The following SKIC8 variants were observed in gnomAD, a reference collection of about 807,000 sequenced individuals.
The protein encoded by SKIC8 is SKI8 subunit of superkiller complex.
the SKIC8 span, chr15:78,291,051 G>C: frequency 6.6e-6 from 1 of 152,180 alleles, no homozygotes; most frequent in Non-Finnish European, 1.5e-5. Flanking sequence ...GCCCCACAAA[G>C]TGTTGGGATT....
chr15:78,286,202 T>C, the SKIC8 span: 1 of 1,363,412 alleles, frequency 7.3e-7, no homozygotes. Context: ...AAGTGGAAAG[T>C]ATATTATTAA....
the SKIC8 span, chr15:78,294,932 G>C: frequency 1.2e-6 from 2 of 1,614,076 alleles, no homozygotes; most frequent in Non-Finnish European, 1.7e-6. Context: ...TGCTTAAACA[G>C]GCAGGCTACT....
the SKIC8 span, among the ~76,000 whole-genome samples, chr15:78,299,070 G>A: frequency 6.6e-6 from 1 of 152,110 alleles, no homozygotes; most frequent in Non-Finnish European, 1.5e-5. Flanking sequence ...GTGTTTCCAA[G>A]GAACACTACA....
chr15:78,294,877 A>G, the SKIC8 span: 1 of 1,599,028 alleles, frequency 6.3e-7, no homozygotes, highest in South Asian at 1.1e-5. Context: ...TCAGCATGAC[A>G]AAAGTCTTAA....
the SKIC8 span, chr15:78,288,321 A>G: frequency 1.4e-5 from 23 of 1,613,834 alleles, no homozygotes; most frequent in Non-Finnish European, 1.9e-5. Context: ...CATCATCTGA[A>G]GCAGTGACAA....
the SKIC8 span, chr15:78,285,340 C>CATTAGTATCTTAG: frequency 6.2e-7 from 1 of 1,614,152 alleles, no homozygotes. Flanking sequence ...GTCAGACGAA[C>CATTAGTATCTTAG]TATTTTAAAA....
the SKIC8 span, chr15:78,295,219 A>C: frequency 1.7e-6 from 1 of 572,342 alleles, no homozygotes; most frequent in Non-Finnish European, 3.1e-6. Flanking sequence ...AACTCACTCA[A>C]CAAGAGACCA....
chr15:78,294,582 G>C, the SKIC8 span: 1 of 231,412 alleles, frequency 4.3e-6, no homozygotes, highest in Non-Finnish European at 8.6e-6. Flanking sequence ...TTCAGAAAAA[G>C]GCTCACGTTC....
At chr15:78,295,621 C>T in the SKIC8 span, 2 of 1,612,276 alleles carry the variant, frequency 1.2e-6, no homozygotes, top group Non-Finnish European at 1.7e-6. Context: ...ACCTACTGGA[C>T]TTGAACTTGG....
At chr15:78,288,318 T>C in the SKIC8 span, 2 of 1,613,980 alleles carry the variant, frequency 1.2e-6, no homozygotes, top group African/African-American at 1.3e-5. Context: ...AGCCATCATC[T>C]GAAGCAGTGA....
chr15:78,295,847 C>G, the SKIC8 span: 2 of 767,674 alleles, frequency 2.6e-6, no homozygotes, highest in Non-Finnish European at 4.0e-6. Context: ...TGACACCCTT[C>G]TATGGATCAG....
chr15:78,286,026 A>G, the SKIC8 span: 1 of 1,608,066 alleles, frequency 6.2e-7, no homozygotes, highest in Non-Finnish European at 8.5e-7. Flanking sequence ...GAAACTGCTA[A>G]GAATCATTAA....
chr15:78,292,395 C>A, the SKIC8 span: 1 of 537,828 alleles, frequency 1.9e-6, no homozygotes, highest in Non-Finnish European at 3.3e-6. Flanking sequence ...TATTTATCTC[C>A]CTTAGTGTAA....
the SKIC8 span, chr15:78,295,211 C>T: frequency 1.7e-6 from 1 of 577,098 alleles, no homozygotes; most frequent in African/African-American, 1.9e-5. Flanking sequence ...ACTACCCAAA[C>T]TCACTCAACA....
chr15:78,288,446 G>T, the SKIC8 span: 2 of 1,485,110 alleles, frequency 1.3e-6, no homozygotes, highest in South Asian at 2.3e-5. Context: ...GCTTCCCACT[G>T]ACAATGCCCC....
the SKIC8 span, among the ~76,000 whole-genome samples, chr15:78,297,492 T>C: frequency 6.6e-6 from 1 of 152,146 alleles, no homozygotes; most frequent in African/African-American, 2.4e-5. Flanking sequence ...CAAAAACATA[T>C]GTGCTTCTTT....
chr15:78,287,277 ACT>A, the SKIC8 span, among the ~76,000 whole-genome samples: 2 of 151,924 alleles, frequency 1.3e-5, no homozygotes, highest in Admixed American at 1.3e-4. Flanking sequence ...GGCAAGTATA[ACT>A]CTATAGAGAC....
At chr15:78,289,737 T>C in the SKIC8 span, 1 of 1,604,350 alleles carries the variant, frequency 6.2e-7, no homozygotes, top group Non-Finnish European at 8.5e-7. Context: ...TATGGAGAAA[T>C]TAGCACTTTC....
At chr15:78,292,494 G>A in the SKIC8 span, 7 of 1,081,320 alleles carry the variant, frequency 6.5e-6, no homozygotes, top group African/African-American at 3.1e-5. Context: ...TACAGTTCAT[G>A]CACACATTAT....
Sources: gnomAD v4.1 joint callset for allele counts (sites outside exome capture counted in the v4.1 genomes callset) on GRCh38, gnomAD v4.1.1 for gene constraint, MANE v1.5 for transcripts, NCBI Gene and HGNC (gene_info 2026-07-23, HGNC 2026-07-21) for gene names.